GPR137: variants seen among roughly 807,000 people sequenced by gnomAD.
The protein encoded by GPR137 is G protein-coupled receptor 137.
GPR137 carries 20 observed loss-of-function variants against 38.9 expected under a neutral mutation model. The observed-to-expected ratio is 0.51, with a 90% CI of 0.36 to 0.75. The LOEUF is 0.75. Ranked by LOEUF, GPR137 falls within the 30% of genes least tolerant of loss-of-function variation. GPR137 has a pLI of 0.00. For missense variants in GPR137, 456 were observed against 526.4 expected (o/e 0.87, Z 1.31); for synonymous variants, 226 against 235.8 (o/e 0.96, Z 0.38).
At chr11:64,284,868 C>T, upstream of GPR137, 1 of 1,485,700 alleles carries the variant, frequency 6.7e-7, no homozygotes, top group East Asian at 2.5e-5. Flanking sequence ...CCGGGGCTCA[C>T]ATCCTCGCTG....
chr11:64,271,904 G>T, upstream of GPR137: 1 of 987,612 alleles, frequency 1.0e-6, no homozygotes, highest in Non-Finnish European at 1.3e-6. Flanking sequence ...GCCCACTCGT[G>T]GGTCTTCCAG....
chr11:64,287,694 C>A (rs778815112), intron 2 of GPR137, 27 bp from the exon 3 acceptor site: 2 of 1,600,552 alleles, frequency 1.2e-6, no homozygotes, highest in East Asian at 2.2e-5. Flanking sequence ...CTGTTGAGGG[C>A]CCGCGCTGAC....
chr11:64,286,037 T>C lies in GPR137; in HGVS notation c.-488T>C, dbSNP rs2135173885. On this transcript the variant is annotated 5_prime_UTR_variant, in exon 1 of 7. Coordinates refer to ENST00000438980, the MANE Select transcript of GPR137 (RefSeq NM_001170880.2). Reference sequence around the variant, plus strand: ...GGACAGGAGGCAGAGGCCCTCCCCATCCGCATTATTGGAGGAGAGAGAGCC... The same window carrying C: ...GGACAGGAGGCAGAGGCCCTCCCCACCCGCATTATTGGAGGAGAGAGAGCC... The C allele has an allele frequency of 1.3e-5, 13 of 985,906 alleles. No individual in the cohort carries two copies. The highest frequency in any genetic ancestry group is 1.6e-5 in the Non-Finnish European group (13 of 830,250). 61.1% of individuals were successfully genotyped at this position (985,906 alleles called of 1,614,324 possible). A position where few individuals can be genotyped will look rare whatever the true frequency, so the allele number is the denominator to read the frequency against.
upstream of GPR137, among the ~76,000 whole-genome samples, chr11:64,281,746 GAGTCTCA>G (rs2033488397): frequency 6.6e-6 from 1 of 152,028 alleles, no homozygotes; most frequent in African/African-American, 2.4e-5. Context: ...TTTTTGAGAT[GAGTCTCA>G]CTCTGTCGCC....
In GPR137 at chr11:64,286,551, G is replaced by T; in HGVS notation, c.27G>T (p.Val9=). 1 of 1,612,512 alleles carries T rather than the reference G, an allele frequency of 6.2e-7. No homozygotes were observed. The highest frequency in any genetic ancestry group is 1.3e-5 in the African/African-American group (1 of 75,016). ...TGGAGAGTAACCTGTCTGGCCTGGT[G>T]CCTGCTGCCGGGCTGGTGCCTGCGC... MESNLSGL[V]PAAGLVPALP... is the part of the protein sequence containing the mutation. Residue 9 remains valine (V), a synonymous_variant, in exon 1 of 7, where the codon GTG becomes GTT. Transcript: ENST00000438980.
chr11:64,276,663 G>T, intron 2 of GPR137: 1 of 498,482 alleles, frequency 2.0e-6, no homozygotes, highest in Non-Finnish European at 3.6e-6. Context: ...TATTTACAGG[G>T]AAAAACCCTG....
At chr11:64,283,361 T>A (rs1325867288), upstream of GPR137, among the ~76,000 whole-genome samples, 4 of 152,226 alleles carry the variant, frequency 2.6e-5, no homozygotes, top group Admixed American at 6.5e-5. Context: ...CTGGTTTTTG[T>A]GTTCAGAAGA....
At chr11:64,287,441 A>C in intron 2 of GPR137, 1 of 654,500 alleles carries the variant, frequency 1.5e-6, no homozygotes, top group Non-Finnish European at 1.9e-6. Context: ...GAGATGAAGA[A>C]ACTGAGGCCC....
rs773675345 is a variant in GPR137 at position 64,288,670 on chromosome 11, A to G, written c.980A>G (p.His327Arg). ...TCCTACTTCTTTGACCGGGCTGGGC[A>G]CTGTGAAGATGAGGGCTGCTCCTGG... ...SRSYFFDRAG[H>R]CEDEGCSWEH... is the part of the protein sequence containing the mutation. The change falls in exon 6 of 7, where the codon CAC becomes CGC. Residue 327 changes from histidine to arginine, a missense_variant. Transcript: ENST00000438980. The surrounding 1 kb of genome is among the most constrained non-coding windows in gnomAD (Gnocchi z 5.5). 1 of 1,597,128 alleles carries G rather than the reference A, an allele frequency of 6.3e-7. No individual in the cohort carries two copies. The highest frequency in any genetic ancestry group is 1.7e-5 in the Admixed American group (1 of 57,702).
upstream of GPR137, among the ~76,000 whole-genome samples, chr11:64,274,561 G>A (rs1173038680): frequency 2.0e-5 from 3 of 152,006 alleles, no homozygotes; most frequent in Non-Finnish European, 4.4e-5. Context: ...GGTGGCTCAC[G>A]CCTGTAATCC....
chr11:64,289,475 A>G lies in GPR137; in HGVS notation c.*279A>G. 1 of 1,475,064 alleles carries G rather than the reference A, an allele frequency of 6.8e-7. No individual in the cohort carries two copies. The highest frequency in any genetic ancestry group is 9.0e-7 in the Non-Finnish European group (1 of 1,112,788). The allele number at this position is 1,475,064 out of a possible 1,614,324, so 91.4% of individuals were successfully genotyped here. A position where few individuals can be genotyped will look rare whatever the true frequency, so the allele number is the denominator to read the frequency against. Reference sequence around the variant, plus strand: ...CCTCTCCTGTGCCTGCCACTCAATAAACAGTGTCTGCGCCCCACAGTTGTG... The same window carrying G: ...CCTCTCCTGTGCCTGCCACTCAATAGACAGTGTCTGCGCCCCACAGTTGTG... On this transcript the variant is annotated 3_prime_UTR_variant, in exon 7 of 7. Coordinates refer to ENST00000438980, the MANE Select transcript of GPR137 (RefSeq NM_001170880.2).
chr11:64,274,308 A>G (rs2032880266), upstream of GPR137, among the ~76,000 whole-genome samples: 1 of 151,816 alleles, frequency 6.6e-6, no homozygotes, highest in South Asian at 2.1e-4. Context: ...AATGGCGTGA[A>G]CCCGGGAGGC....
chr11:64,280,100 A>G (rs573415459), upstream of GPR137, among the ~76,000 whole-genome samples: 364 of 151,382 alleles, frequency 2.4e-3, 3 homozygotes, highest in Middle Eastern at 0.021. Context: ...GGCGGATCAC[A>G]AGGTCAGGAG....
At chr11:64,275,471 C>T (rs2032991963), upstream of GPR137, among the ~76,000 whole-genome samples, 1 of 152,138 alleles carries the variant, frequency 6.6e-6, no homozygotes. Flanking sequence ...GGGGGCAGTT[C>T]CCCATCTGCC....
At position 64,285,993 on chromosome 11, in the gene GPR137, C is replaced by A; in HGVS notation, c.-532C>A. On this transcript the variant is annotated 5_prime_UTR_variant, in exon 1 of 7. Coordinates refer to ENST00000438980, the MANE Select transcript of GPR137 (RefSeq NM_001170880.2). ...GCGGTGGGGGAGGGTGGGGCGGGGGCAGCTTTCGAGAATTACGAGGACAGG... is the reference window on the plus strand; with the variant it reads ...GCGGTGGGGGAGGGTGGGGCGGGGGAAGCTTTCGAGAATTACGAGGACAGG... 1 of 983,226 alleles carries A rather than the reference C, an allele frequency of 1.0e-6. No homozygotes were observed. Among genetic ancestry groups the A allele is most frequent in the Non-Finnish European group, 1.2e-6 (1 of 827,880 alleles). 60.9% of individuals were successfully genotyped at this position (983,226 alleles called of 1,614,324 possible). A position where few individuals can be genotyped will look rare whatever the true frequency, so the allele number is the denominator to read the frequency against.
At chr11:64,284,697 C>A (rs1479604453), upstream of GPR137, 3 of 1,535,098 alleles carry the variant, frequency 2.0e-6, no homozygotes, top group East Asian at 7.3e-5. Context: ...GGGCTCCGGG[C>A]CCTAGTTGCT....
chr11:64,275,357 C>T (rs1198225106), upstream of GPR137, among the ~76,000 whole-genome samples: 2 of 152,180 alleles, frequency 1.3e-5, no homozygotes, highest in Admixed American at 6.5e-5. Context: ...GGTGCGGTGA[C>T]TGTGGAGCAG....
In GPR137 at chr11:64,286,179, C is replaced by T. The variant is rs534942956; in HGVS notation, c.-346C>T. The T allele has an allele frequency of 1.9e-6, 2 of 1,071,992 alleles. No homozygotes were observed. The highest frequency in any genetic ancestry group is 1.7e-5 in the African/African-American group (1 of 60,344). 66.4% of individuals were successfully genotyped at this position (1,071,992 alleles called of 1,614,324 possible). A position where few individuals can be genotyped will look rare whatever the true frequency, so the allele number is the denominator to read the frequency against. On this transcript the variant is annotated 5_prime_UTR_variant, in exon 1 of 7. It introduces an in-frame stop codon into an upstream open reading frame of the 5' UTR. Transcript: ENST00000438980. Reference sequence around the variant, plus strand: ...CTCCACCCAGGACGACATGAACGACCGAGGCCAGGGAGTCCTCTCCTTGGG... The same window carrying T: ...CTCCACCCAGGACGACATGAACGACTGAGGCCAGGGAGTCCTCTCCTTGGG...
chr11:64,285,643 G>C (rs1743717447), upstream of GPR137: 36 of 985,148 alleles, frequency 3.7e-5, no homozygotes, highest in Non-Finnish European at 4.3e-5. Context: ...GCCCACCCGG[G>C]GACCCCCTGG....
Sources: gnomAD v4.1 joint callset for allele counts (sites outside exome capture counted in the v4.1 genomes callset) on GRCh38, gnomAD v4.1.1 for gene constraint, Gnocchi (gnomAD v3.1) non-coding constraint, MANE v1.5 for transcripts, NCBI Gene and HGNC (gene_info 2026-07-23, HGNC 2026-07-21) for gene names.